The following CACNA1D variants were observed in gnomAD, a reference collection of about 807,000 sequenced individuals.
CACNA1D encodes the protein voltage-dependent L-type calcium channel subunit alpha-1D.
A neutral mutation model predicts 257.1 loss-of-function variants in CACNA1D; 55 were observed. The observed-to-expected ratio is 0.21, with a 90% CI of 0.17 to 0.27. CACNA1D has a LOEUF of 0.27. Among genes scored for constraint, CACNA1D ranks in the 10% least tolerant of loss-of-function variants. The pLI, the probability that CACNA1D is intolerant of heterozygous loss-of-function variation, is 1.00. For missense variants in CACNA1D, 1,876 were observed against 2,784.0 expected (o/e 0.67, Z 7.34); for synonymous variants, 980 against 1,014.9 (o/e 0.97, Z 0.65).
chr3:53,761,959 A>G (rs1322024958), intron 29 of CACNA1D, 39 bp from the exon 30 acceptor site: 1 of 1,406,026 alleles, frequency 7.1e-7, no homozygotes, highest in Admixed American at 1.7e-5. Flanking sequence ...GGTCATTCAT[A>G]CATGCTCATA....
chr3:53,609,409 C>CA (rs33943272), intron 3 of CACNA1D, among the ~76,000 whole-genome samples: 1,188 of 78,658 alleles, frequency 0.015, 7 homozygotes, highest in Non-Finnish European at 0.019. Context: ...GACTCTACCT[C>CA]AAAAAAAAAA....
Position 53,792,132 on chromosome 3 carries a change from A to G in CACNA1D, c.4923+5180A>G, listed in dbSNP as rs543592452. On this transcript the variant is annotated intron_variant, in intron 40 of 47. Transcript: ENST00000350061. ...TCCTTTGATCTCTTTTCTGTTCTGT[A>G]CCATACTTACCCATTGAGAAGGAAA... 1.1e-4 allele frequency: 16 copies of G among 152,354 alleles called. 1 individual carries two copies. Among genetic ancestry groups the G allele is most frequent in the South Asian group, 4.1e-4 (2 of 4,834 alleles). 9.4% of individuals were successfully genotyped at this position (152,354 alleles called of 1,614,324 possible). A position where few individuals can be genotyped will look rare whatever the true frequency, so the allele number is the denominator to read the frequency against.
rs77365799 is a variant in CACNA1D at position 53,668,756 on chromosome 3, A to C, written c.1116+2221A>C. Among the ~76,000 whole-genome samples the C allele has an allele frequency of 4.2e-3, 646 of 152,326 alleles. 25 individuals carry two copies. The East Asian group carries it at 0.085, about 20-fold the overall frequency. On this transcript the variant is annotated intron_variant, in intron 7 of 47. Coordinates refer to ENST00000350061, the MANE Select transcript of CACNA1D (RefSeq NM_001128840.3). Reference sequence around the variant, plus strand: ...ACCTCAGCAACTGTTCAGCCCTTCCACTATAGCTAGGAAGCAGCCATGGGC... The same window carrying C: ...ACCTCAGCAACTGTTCAGCCCTTCCCCTATAGCTAGGAAGCAGCCATGGGC...
At position 53,659,735 on chromosome 3, in the gene CACNA1D, A is replaced by G. The variant is rs1017471357; in HGVS notation, c.624-398A>G. On this transcript the variant is annotated intron_variant, in intron 4 of 47. Transcript: ENST00000350061. Reference sequence around the variant, plus strand: ...GTGTTCATAATTGCTGCTGCATAACATTTTGTGAGAATTAATGTGACAATG... The same window carrying G: ...GTGTTCATAATTGCTGCTGCATAACGTTTTGTGAGAATTAATGTGACAATG... 1.1e-4 allele frequency among the ~76,000 whole-genome samples: 17 copies of G among 152,192 alleles called. No homozygotes were observed. In the East Asian group the frequency reaches 2.7e-3, roughly 24 times the overall value.
chr3:53,800,323 G>T lies in CACNA1D; in HGVS notation c.4998G>T (p.Glu1666Asp), dbSNP rs368500737. ...TATCGTGTGATTTGCAAGATGACGA[G>T]CCTGAGGAAACAAAACGAGAAGAAG... ...RAISCDLQDD[E>D]PEETKREEED... Residue 1666 changes from glutamate (E) to aspartate (D), a missense_variant, in exon 41 of 48, where the codon GAG becomes GAT. This residue lies in a region of CACNA1D where 160 missense variants were observed against 236.6 expected (regional missense o/e 0.68). Transcript: ENST00000350061. The surrounding 1 kb of genome is among the most constrained non-coding windows in gnomAD (Gnocchi z 4.3). The T allele has an allele frequency of 6.2e-6, 10 of 1,613,800 alleles. No homozygotes were observed. In the Admixed American group the frequency reaches 1.7e-4, roughly 27 times the overall value.
In CACNA1D at chr3:53,774,474, ATGAG is replaced by A; in HGVS notation, c.4111-112_4111-109del. 1.4e-6 allele frequency: 1 copy of A among 735,380 alleles called. No homozygotes were observed. Among genetic ancestry groups the A allele is most frequent in the Non-Finnish European group, 2.5e-6 (1 of 403,450 alleles). 45.6% of individuals were successfully genotyped at this position (735,380 alleles called of 1,614,324 possible). Reference sequence around the variant, plus strand: ...TTGAATGAGTGAAGTGCCAGGTACCATGAGAAAACCCTAGCTGGTAAAGATCAAA... The same window carrying A: ...TTGAATGAGTGAAGTGCCAGGTACCAAAAACCCTAGCTGGTAAAGATCAAA... On this transcript the variant is annotated intron_variant, in intron 33 of 47. Coordinates refer to ENST00000350061, the MANE Select transcript of CACNA1D (RefSeq NM_001128840.3). The surrounding 1 kb of genome is among the most constrained non-coding windows in gnomAD (Gnocchi z 4.3).
At chr3:53,660,475 T>C (rs987564221) in intron 5 of CACNA1D, among the ~76,000 whole-genome samples, 200 bp downstream of exon 5, 1 of 152,180 alleles carries the variant, frequency 6.6e-6, no homozygotes, top group Non-Finnish European at 1.5e-5. Flanking sequence ...CAGGCAGTTA[T>C]TGTCATTCTG....
intron 3 of CACNA1D, among the ~76,000 whole-genome samples, chr3:53,510,056 T>G (rs577021688): frequency 6.6e-5 from 10 of 152,348 alleles, no homozygotes; most frequent in African/African-American, 2.4e-4. Context: ...AACAGCCAGA[T>G]TTGTTTTCAT....
At chr3:53,682,365 T>TTAAAAAAAA (rs1405672508) in intron 8 of CACNA1D, among the ~76,000 whole-genome samples, 4 of 47,386 alleles carry the variant, frequency 8.4e-5, no homozygotes, top group Non-Finnish European at 1.5e-4. Flanking sequence ...TTGTCTCTGG[T>TTAAAAAAAA]AAAAAAAAAA....
At chr3:53,563,788 C>T (rs971900590) in intron 3 of CACNA1D, among the ~76,000 whole-genome samples, 1 of 152,038 alleles carries the variant, frequency 6.6e-6, no homozygotes. Flanking sequence ...TGTTGGTGGA[C>T]ATTTGTGATG....
At chr3:53,721,757 G>C (rs773051810) in intron 11 of CACNA1D, among the ~76,000 whole-genome samples, 7 of 152,128 alleles carry the variant, frequency 4.6e-5, no homozygotes, top group Non-Finnish European at 7.3e-5. Context: ...AACTCTGCCA[G>C]GCTCTGGAGG....
At position 53,761,996 on chromosome 3, in the gene CACNA1D, AG is replaced by A; in HGVS notation, c.3789del. 1.2e-6 allele frequency: 2 copies of A among 1,607,378 alleles called. No homozygotes were observed. Among genetic ancestry groups the A allele is most frequent in the Non-Finnish European group, 1.7e-6 (2 of 1,173,864 alleles). ...ACATCTGCCCTCGCCTGCTCTGTCC[AG>A]GGGTATTTTAGTGACGCCTGGAACA... On this transcript the variant is annotated splice_acceptor_variant, in intron 29 of 47. Transcript: ENST00000350061. LOFTEE classifies it high-confidence loss of function.
At chr3:53,719,723 C>G (rs753859531) in intron 10 of CACNA1D, 32 bp from the exon 11 acceptor site, 11 of 1,609,374 alleles carry the variant, frequency 6.8e-6, no homozygotes, top group Admixed American at 1.7e-5. Context: ...CCCTCGGAAC[C>G]AGAATCTTAA....
Position 53,744,758 on chromosome 3 carries a change from T to C in CACNA1D, c.2937T>C (p.Val979=). ...SFGIQSSAIS[V]VKILRVLRVL... ...TCCCTAGATCCAGTGCCATCTCCGTTGTGAAGATTCTGAGGGTCTTAAGGG... is the reference window on the plus strand; with the variant it reads ...TCCCTAGATCCAGTGCCATCTCCGTCGTGAAGATTCTGAGGGTCTTAAGGG... The change falls in exon 23 of 48, where the codon GTT becomes GTC. Residue 979 remains valine, a synonymous_variant. Coordinates refer to ENST00000350061, the MANE Select transcript of CACNA1D (RefSeq NM_001128840.3). 1.9e-6 allele frequency: 3 copies of C among 1,605,148 alleles called. No individual in the cohort carries two copies. Among genetic ancestry groups the C allele is most frequent in the Non-Finnish European group, 2.6e-6 (3 of 1,171,826 alleles).
intron 3 of CACNA1D, among the ~76,000 whole-genome samples, chr3:53,579,745 GA>G (rs2093099002): frequency 6.6e-6 from 1 of 152,230 alleles, no homozygotes; most frequent in Admixed American, 6.5e-5. Flanking sequence ...GCAGTGGGCA[GA>G]GTGTGTGGCT....
At chr3:53,512,206 A>C (rs929527596) in intron 3 of CACNA1D, among the ~76,000 whole-genome samples, 1 of 152,224 alleles carries the variant, frequency 6.6e-6, no homozygotes, top group Non-Finnish European at 1.5e-5. Flanking sequence ...AGCTCTTTTC[A>C]GAATTTTTAT....
intron 3 of CACNA1D, among the ~76,000 whole-genome samples, chr3:53,525,124 G>A (rs1034323521): frequency 1.3e-5 from 2 of 152,156 alleles, no homozygotes; most frequent in African/African-American, 4.8e-5. Context: ...GTAGGCAATA[G>A]AGGAGAGATT....
chr3:53,776,454 T>G, intron 35 of CACNA1D, 149 bp from the exon 36 acceptor site: 1 of 948,286 alleles, frequency 1.1e-6, no homozygotes, highest in Non-Finnish European at 1.6e-6. Flanking sequence ...CACTCTTTTC[T>G]TAAACATTCT....
chr3:53,557,566 G>A (rs1056132749), intron 3 of CACNA1D, among the ~76,000 whole-genome samples: 10 of 152,192 alleles, frequency 6.6e-5, no homozygotes, highest in Admixed American at 6.5e-4. Flanking sequence ...ATGAAGTTTA[G>A]GTTGAAGTGC....
Sources: allele counts gnomAD v4.1 joint callset (sites outside exome capture counted in the v4.1 genomes callset), GRCh38; gene constraint gnomAD v4.1.1; regional missense constraint gnomAD v4.1.1; non-coding constraint Gnocchi (gnomAD v3.1); transcripts MANE v1.5; gene names NCBI Gene and HGNC (gene_info 2026-07-23, HGNC 2026-07-21).